Variants in SORCS3 observed in about 807,000 individuals in gnomAD.
The protein encoded by SORCS3 is VPS10 domain-containing receptor SorCS3.
A neutral mutation model predicts 146.3 loss-of-function variants in SORCS3; 57 were observed. That is an observed-to-expected ratio of 0.39 (90% CI 0.31 to 0.49). The LOEUF (loss-of-function observed/expected upper bound fraction) is 0.49, where lower values mean the gene tolerates loss of function less well. SORCS3 is among the 20% of genes least tolerant of loss of function. The probability of loss-of-function intolerance (pLI) is 0.92; values close to 1 mark genes in which losing one functional copy is unlikely to be tolerated. For missense variants in SORCS3, 1,341 were observed against 1,575.5 expected, an observed-to-expected ratio of 0.85 and a Z score of 2.52; for synonymous variants, 653 against 618.5, an observed-to-expected ratio of 1.06 and a Z score of -0.83.
intron 1 of SORCS3, among the ~76,000 whole-genome samples, chr10:104,731,167 C>T (rs1272338123): frequency 1.3e-5 from 2 of 152,338 alleles, no homozygotes; most frequent in East Asian, 3.9e-4. Flanking sequence ...TGCCTAGTTT[C>T]TGCTGACATG....
At chr10:104,872,242 G>T (rs2018526036) in intron 2 of SORCS3, among the ~76,000 whole-genome samples, 1 of 152,142 alleles carries the variant, frequency 6.6e-6, no homozygotes, top group African/African-American at 2.4e-5. Flanking sequence ...TAAATGGCAG[G>T]CATTGTCTTC....
chr10:105,207,154 C>CT (rs1331957920), intron 16 of SORCS3, among the ~76,000 whole-genome samples: 2 of 152,238 alleles, frequency 1.3e-5, no homozygotes, highest in East Asian at 3.9e-4. Context: ...CCACTGTCAG[C>CT]TGTGTACAAT....
At chr10:104,915,083 C>T (rs997906545) in intron 2 of SORCS3, among the ~76,000 whole-genome samples, 2 of 152,056 alleles carry the variant, frequency 1.3e-5, no homozygotes, top group African/African-American at 4.8e-5. Flanking sequence ...CCCTCTCTCC[C>T]TCCTCCACCA....
At chr10:104,958,706 A>G (rs536591131) in intron 3 of SORCS3, among the ~76,000 whole-genome samples, 5 of 152,294 alleles carry the variant, frequency 3.3e-5, no homozygotes, top group South Asian at 2.1e-4. Flanking sequence ...GCTATAAAAA[A>G]CTACCAGTAA....
intron 4 of SORCS3, among the ~76,000 whole-genome samples, chr10:105,029,825 A>C (rs1564738193): frequency 6.6e-6 from 1 of 152,214 alleles, no homozygotes; most frequent in Non-Finnish European, 1.5e-5. Flanking sequence ...ATAAATATCC[A>C]AGCTTCCTCA....
chr10:104,644,953 G>T (rs528995852), intron 1 of SORCS3, among the ~76,000 whole-genome samples: 1 of 152,362 alleles, frequency 6.6e-6, no homozygotes, highest in South Asian at 2.1e-4. Context: ...CATTGGTCCA[G>T]TGTGTGCCCC....
chr10:105,040,687 G>A (rs2055332819), intron 4 of SORCS3, among the ~76,000 whole-genome samples: 3 of 151,856 alleles, frequency 2.0e-5, no homozygotes, highest in Admixed American at 2.0e-4. Context: ...TGGTTGTAGA[G>A]CTTTGTAGTG....
At chr10:105,228,839 CT>C (rs2056750227) in intron 20 of SORCS3, among the ~76,000 whole-genome samples, 1 of 152,166 alleles carries the variant, frequency 6.6e-6, no homozygotes, top group African/African-American at 2.4e-5. Context: ...GATCTTTTTA[CT>C]TTGCATCTTT....
At chr10:104,917,348 T>C (rs1178586081) in intron 3 of SORCS3, among the ~76,000 whole-genome samples, 3 of 152,236 alleles carry the variant, frequency 2.0e-5, no homozygotes, top group Non-Finnish European at 4.4e-5. Flanking sequence ...TAATAGTTTC[T>C]TTTAATTTGT....
At chr10:104,920,021 G>A (rs530322338) in intron 3 of SORCS3, among the ~76,000 whole-genome samples, 8 of 152,214 alleles carry the variant, frequency 5.3e-5, no homozygotes, top group African/African-American at 1.2e-4. Context: ...CCTTCTTTAC[G>A]TCTTCAAGTT....
intron 5 of SORCS3, among the ~76,000 whole-genome samples, chr10:105,071,558 G>A (rs987430094): frequency 2.6e-5 from 4 of 152,140 alleles, no homozygotes; most frequent in Non-Finnish European, 5.9e-5. Flanking sequence ...TATAGTAAGT[G>A]TATATATTTA....
intron 1 of SORCS3, among the ~76,000 whole-genome samples, chr10:104,667,394 C>T (rs2015794630): frequency 6.6e-6 from 1 of 152,168 alleles, no homozygotes; most frequent in Non-Finnish European, 1.5e-5. Context: ...CCTGTTTCTT[C>T]CTACTGATCT....
intron 6 of SORCS3, among the ~76,000 whole-genome samples, chr10:105,096,754 AG>A (rs1473019959): frequency 2.0e-5 from 3 of 152,124 alleles, no homozygotes; most frequent in Non-Finnish European, 4.4e-5. Flanking sequence ...CCATTATGGT[AG>A]TCATTTAGTC....
chr10:105,235,819 A>G (rs1277558405), intron 20 of SORCS3, among the ~76,000 whole-genome samples: 1 of 152,056 alleles, frequency 6.6e-6, no homozygotes, highest in Non-Finnish European at 1.5e-5. Flanking sequence ...TGATAAAGTT[A>G]TCTGTCCTAA....
At chr10:104,806,896 A>T (rs1331764114) in intron 1 of SORCS3, among the ~76,000 whole-genome samples, 1 of 152,132 alleles carries the variant, frequency 6.6e-6, no homozygotes, top group African/African-American at 2.4e-5. Flanking sequence ...AAGAGAACTA[A>T]GGGGTGTTTG....
chr10:104,726,605 C>A lies in SORCS3; in HGVS notation c.627+84651C>A, dbSNP rs555881086. On this transcript the variant is annotated intron_variant, in intron 1 of 26. Coordinates refer to ENST00000369701, the MANE Select transcript of SORCS3 (RefSeq NM_014978.3). ...CCCCCAGGGGGCTCTCCGTTGGACA[C>A]CTCTTTATTCCTTTTCTCCCCATCT... Among the ~76,000 whole-genome samples, 369 of 152,038 alleles carry A rather than the reference C, an allele frequency of 2.4e-3. 3 individuals carry two copies. Among genetic ancestry groups the A allele is most frequent in the African/African-American group, 8.5e-3 (351 of 41,466 alleles).
At chr10:104,793,937 G>A (rs2017522311) in intron 1 of SORCS3, among the ~76,000 whole-genome samples, 1 of 152,146 alleles carries the variant, frequency 6.6e-6, no homozygotes, top group African/African-American at 2.4e-5. Context: ...TGGGGTGGGA[G>A]GCTAAAATGG....
At chr10:104,687,945 G>T (rs1365575687) in intron 1 of SORCS3, among the ~76,000 whole-genome samples, 1 of 152,204 alleles carries the variant, frequency 6.6e-6, no homozygotes, top group Non-Finnish European at 1.5e-5. Flanking sequence ...AACAGCCCAA[G>T]AATTTAGTGA....
chr10:104,964,395 C>G (rs2054814958), intron 3 of SORCS3, among the ~76,000 whole-genome samples: 1 of 152,188 alleles, frequency 6.6e-6, no homozygotes, highest in South Asian at 2.1e-4. Context: ...TCAGCACCTC[C>G]CCTTACCTTT....
Sources: gnomAD v4.1 joint callset for allele counts (sites outside exome capture counted in the v4.1 genomes callset) on GRCh38, gnomAD v4.1.1 for gene constraint, MANE v1.5 for transcripts, NCBI Gene and HGNC (gene_info 2026-07-23, HGNC 2026-07-21) for gene names.